KIF26B: variants seen among roughly 807,000 people sequenced by gnomAD.
The protein encoded by KIF26B is kinesin family member 26B, also known as kinesin-like protein KIF26B.
KIF26B carries 63 observed loss-of-function variants against 151.2 expected under a neutral mutation model. The ratio of observed to expected loss-of-function variants is 0.42; its 90% CI spans 0.34 to 0.51. The LOEUF is 0.51. KIF26B is among the 20% of genes least tolerant of loss of function. KIF26B has a pLI of 0.07. For missense variants in KIF26B, 2,813 were observed against 2,913.6 expected, an observed-to-expected ratio of 0.97 and a Z score of 0.79; for synonymous variants, 1,357 against 1,262.1, an observed-to-expected ratio of 1.08 and a Z score of -1.59.
At chr1:245,545,124 CAG>C (rs1661715888) in intron 5 of KIF26B, among the ~76,000 whole-genome samples, 1 of 144,964 alleles carries the variant, frequency 6.9e-6, no homozygotes, top group East Asian at 2.0e-4. Context: ...TTTTTTGAGA[CAG>C]AGTCTCACTC....
Position 245,426,459 on chromosome 1 carries a change from C to T in KIF26B, c.1166+6714C>T, listed in dbSNP as rs147601924. 5.4e-3 allele frequency among the ~76,000 whole-genome samples: 827 copies of T among 152,324 alleles called. 5 individuals carry two copies. Among genetic ancestry groups the T allele is most frequent in the Non-Finnish European group, 9.4e-3 (639 of 68,028 alleles). The stretch of plus-strand genomic sequence containing the variant: ...ACTGACTCCTCTAACTCCTTGCCGT[C>T]GGCCCAAACACATTCCTTTCTCAGG... On this transcript the variant is annotated intron_variant, in intron 4 of 14. Transcript: ENST00000407071.
chr1:245,399,579 A>G (rs893924494), intron 3 of KIF26B, among the ~76,000 whole-genome samples: 1 of 152,134 alleles, frequency 6.6e-6, no homozygotes, highest in African/African-American at 2.4e-5. Context: ...AAGACAACAC[A>G]CTCTTCTGAA....
intron 2 of KIF26B, among the ~76,000 whole-genome samples, chr1:245,365,523 C>CA (rs948660356): frequency 6.6e-6 from 1 of 151,008 alleles, no homozygotes; most frequent in African/African-American, 2.5e-5. Flanking sequence ...TCCCCCCCAC[C>CA]AGCCTACAGC....
chr1:245,281,889 A>G (rs1028508488), intron 2 of KIF26B, among the ~76,000 whole-genome samples: 1 of 151,314 alleles, frequency 6.6e-6, no homozygotes, highest in Admixed American at 6.6e-5. Context: ...TGTTTTTCTC[A>G]GGTTTGTCAA....
chr1:245,373,752 G>A (rs1237972165), intron 3 of KIF26B, among the ~76,000 whole-genome samples: 3 of 151,988 alleles, frequency 2.0e-5, no homozygotes, highest in African/African-American at 7.2e-5. Context: ...AGCCATTACT[G>A]GACTTTACAT....
At chr1:245,498,485 G>A (rs1660554878) in intron 4 of KIF26B, among the ~76,000 whole-genome samples, 2 of 152,168 alleles carry the variant, frequency 1.3e-5, no homozygotes, top group Admixed American at 1.3e-4. Flanking sequence ...GCAACCAGCA[G>A]AAGTGAGGGG....
At chr1:245,608,071 T>C (rs914931924) in intron 7 of KIF26B, among the ~76,000 whole-genome samples, 3 of 152,112 alleles carry the variant, frequency 2.0e-5, no homozygotes, top group Non-Finnish European at 2.9e-5. Context: ...GGGAAGCAGA[T>C]AGGGCCCCTT....
At position 245,261,422 on chromosome 1, in the gene KIF26B, C is replaced by T. The variant is rs573373139; in HGVS notation, c.465+104739C>T. 1.6e-3 allele frequency among the ~76,000 whole-genome samples: 240 copies of T among 151,822 alleles called. 4 individuals carry two copies. The highest frequency in any genetic ancestry group is 1.9e-3 in the Non-Finnish European group (131 of 67,944). On this transcript the variant is annotated intron_variant, in intron 2 of 14. Transcript: ENST00000407071. ...CTGGGATTAGAGGCATGAGCCACCG[C>T]GCCCAGCTTGTTCGCGCTCGCTTGC...
chr1:245,294,315 A>G (rs1445128141), intron 2 of KIF26B, among the ~76,000 whole-genome samples: 3 of 152,182 alleles, frequency 2.0e-5, no homozygotes, highest in Admixed American at 2.0e-4. Context: ...TTCTCAAGGC[A>G]AGAAGCAAAG....
intron 10 of KIF26B, among the ~76,000 whole-genome samples, chr1:245,649,394 C>G (rs948555929): frequency 8.5e-5 from 13 of 152,252 alleles, no homozygotes; most frequent in African/African-American, 3.1e-4. Flanking sequence ...ATCAAGCTCC[C>G]GAAATGTCGG....
chr1:245,492,627 G>A (rs1660431482), intron 4 of KIF26B, among the ~76,000 whole-genome samples: 1 of 152,194 alleles, frequency 6.6e-6, no homozygotes, highest in Admixed American at 6.5e-5. Context: ...TGTGACCAAA[G>A]GACATTTTTC....
At position 245,601,887 on chromosome 1, in the gene KIF26B, G is replaced by T. The variant is rs1466710749; in HGVS notation, c.1351-690G>T. 6.6e-6 allele frequency among the ~76,000 whole-genome samples: 1 copy of T among 152,182 alleles called. No individual in the cohort carries two copies. Among genetic ancestry groups the T allele is most frequent in the East Asian group, 1.9e-4 (1 of 5,198 alleles). On this transcript the variant is annotated intron_variant, in intron 5 of 14. Transcript: ENST00000407071. The surrounding 1 kb of genome is among the most constrained non-coding windows in gnomAD (Gnocchi z 4.4). The stretch of plus-strand genomic sequence containing the variant: ...GGCTGGGTTGGTGGTGGGTACCAGA[G>T]GTGCTCAGTGTTCAATCACGCAGAA...
intron 4 of KIF26B, among the ~76,000 whole-genome samples, chr1:245,515,491 G>A (rs1057279016): frequency 2.0e-5 from 3 of 152,190 alleles, no homozygotes; most frequent in African/African-American, 7.2e-5. Context: ...CCCTGCCTCA[G>A]GTCTTGAGTG....
intron 10 of KIF26B, among the ~76,000 whole-genome samples, chr1:245,652,143 T>TGAGG (rs1354553474): frequency 9.0e-6 from 1 of 111,188 alleles, no homozygotes; most frequent in African/African-American, 4.4e-5. Flanking sequence ...TGTGTGTGTG[T>TGAGG]GTGAGAGAGA....
chr1:245,193,599 T>A (rs1669146045), intron 2 of KIF26B, among the ~76,000 whole-genome samples: 1 of 152,230 alleles, frequency 6.6e-6, no homozygotes, highest in Admixed American at 6.5e-5. Flanking sequence ...AAGAACCAGA[T>A]CCTGTTCTAA....
At chr1:245,652,329 G>A (rs1375983333) in intron 10 of KIF26B, among the ~76,000 whole-genome samples, 1 of 152,142 alleles carries the variant, frequency 6.6e-6, no homozygotes, top group Non-Finnish European at 1.5e-5. Context: ...CTGCAGCAAT[G>A]ATAATTCTTA....
chr1:245,587,798 A>T (rs2043243563), intron 5 of KIF26B, among the ~76,000 whole-genome samples: 1 of 152,070 alleles, frequency 6.6e-6, no homozygotes, highest in Admixed American at 6.6e-5. Flanking sequence ...CAAACCTCCA[A>T]CTGCATTCTG....
intron 4 of KIF26B, among the ~76,000 whole-genome samples, chr1:245,429,884 G>A (rs1179852876): frequency 6.6e-6 from 1 of 152,134 alleles, no homozygotes; most frequent in Non-Finnish European, 1.5e-5. Context: ...CAAAGTGCTG[G>A]GATTACAAGC....
At chr1:245,216,807 G>A (rs1222273557) in intron 2 of KIF26B, among the ~76,000 whole-genome samples, 1 of 152,226 alleles carries the variant, frequency 6.6e-6, no homozygotes, top group Non-Finnish European at 1.5e-5. Flanking sequence ...GAAAGAGTTA[G>A]CTAGGTTTAG....
Sources: gnomAD v4.1 joint callset for allele counts (sites outside exome capture counted in the v4.1 genomes callset) on GRCh38, gnomAD v4.1.1 for gene constraint, Gnocchi (gnomAD v3.1) non-coding constraint, MANE v1.5 for transcripts, NCBI Gene and HGNC (gene_info 2026-07-23, HGNC 2026-07-21) for gene names.